SAMD12: variants seen among roughly 807,000 people sequenced by gnomAD.
The protein encoded by SAMD12 is sterile alpha motif domain containing 12.
Under a neutral mutation model 15.0 loss-of-function variants are expected in SAMD12, and 9 were observed. That is an observed-to-expected ratio of 0.60 (90% CI 0.36 to 1.05). The LOEUF (loss-of-function observed/expected upper bound fraction) is 1.05. Among genes scored for constraint, SAMD12 ranks in the 50% least tolerant of loss-of-function variants. The pLI, the probability that SAMD12 is intolerant of heterozygous loss-of-function variation, is 0.01. For missense variants in SAMD12, 230 were observed against 234.2 expected (o/e 0.98, Z 0.12); for synonymous variants, 86 against 90.1 (o/e 0.96, Z 0.25).
At chr8:118,618,163 A>G (rs1196436603) in intron 1 of SAMD12, among the ~76,000 whole-genome samples, 1 of 152,196 alleles carries the variant, frequency 6.6e-6, no homozygotes, top group Admixed American at 6.5e-5. Flanking sequence ...ATGGGTCACA[A>G]GCAGACTAGG....
At chr8:118,404,574 G>A (rs1343345003) in intron 3 of SAMD12, among the ~76,000 whole-genome samples, 2 of 152,142 alleles carry the variant, frequency 1.3e-5, no homozygotes, top group Admixed American at 6.6e-5. Flanking sequence ...TCCATTTGGA[G>A]TTTGTGTTAT....
chr8:118,160,629 A>G, the SAMD12 span, among the ~76,000 whole-genome samples: 1 of 152,354 alleles, frequency 6.6e-6, no homozygotes, highest in East Asian at 1.9e-4. Context: ...AAAAATTTAC[A>G]AATACAAATA....
chr8:118,400,101 A>G (rs1432485363), intron 3 of SAMD12, among the ~76,000 whole-genome samples: 1 of 152,224 alleles, frequency 6.6e-6, no homozygotes, highest in Non-Finnish European at 1.5e-5. Context: ...CACCATGTAA[A>G]TCATAAATAC....
chr8:118,399,159 C>T (rs774936662), intron 3 of SAMD12, among the ~76,000 whole-genome samples: 19 of 151,828 alleles, frequency 1.3e-4, no homozygotes, highest in Non-Finnish European at 2.1e-4. Flanking sequence ...GTTGGGATTA[C>T]AGGTGTGAGC....
At chr8:118,169,663 C>T in the SAMD12 span, among the ~76,000 whole-genome samples, 1 of 152,122 alleles carries the variant, frequency 6.6e-6, no homozygotes, top group African/African-American at 2.4e-5. Flanking sequence ...TTCAGGGAGA[C>T]CTATGGATAG....
downstream of SAMD12, among the ~76,000 whole-genome samples, chr8:118,185,166 A>G (rs1425726268): frequency 6.6e-6 from 1 of 152,170 alleles, no homozygotes; most frequent in Non-Finnish European, 1.5e-5. Context: ...AGAATTAAGA[A>G]GGAAAGTGAA....
exon 5 of SAMD12, chr8:118,196,768 C>A (rs2451144): frequency 2.0e-5 from 3 of 152,192 alleles, no homozygotes; most frequent in Non-Finnish European, 2.9e-5. Flanking sequence ...CCACCATGGT[C>A]TTTGATTAAA....
chr8:118,190,937 ATTTTC>A (rs1392199352), exon 5 of SAMD12: 2 of 151,982 alleles, frequency 1.3e-5, no homozygotes, highest in Non-Finnish European at 2.9e-5. Flanking sequence ...ACAGATCGAT[ATTTTC>A]TTTTCTCAGG....
Position 118,268,360 on chromosome 8 carries a change from G to A in SAMD12, c.434-70628C>T, listed in dbSNP as rs4876807. 1.0e-3 allele frequency among the ~76,000 whole-genome samples: 157 copies of A among 152,306 alleles called. 1 individual carries two copies. The highest frequency in any genetic ancestry group is 1.5e-3 in the East Asian group (8 of 5,178). Reference sequence around the variant, plus strand: ...GACTATTTAAATGCTATCCAAGGCTGAGAATGAAGTAAACTATCATCATAA... The same window carrying A: ...GACTATTTAAATGCTATCCAAGGCTAAGAATGAAGTAAACTATCATCATAA... On this transcript the variant is annotated intron_variant, in intron 4 of 4. Coordinates refer to the SAMD12 transcript ENST00000409003.
At chr8:118,489,041 A>G (rs1824363029) in intron 2 of SAMD12, among the ~76,000 whole-genome samples, 1 of 152,184 alleles carries the variant, frequency 6.6e-6, no homozygotes, top group South Asian at 2.1e-4. Context: ...GTTTCCATAT[A>G]GACATTCTGG....
exon 5 of SAMD12, chr8:118,190,604 G>C (rs1453981582): frequency 5.9e-5 from 9 of 152,130 alleles, no homozygotes; most frequent in Non-Finnish European, 1.0e-4. Context: ...TGGAGGCTCA[G>C]AAATAACAGC....
At chr8:118,339,579 T>C (rs1288500635) in intron 4 of SAMD12, among the ~76,000 whole-genome samples, 2 of 152,234 alleles carry the variant, frequency 1.3e-5, no homozygotes, top group African/African-American at 2.4e-5. Flanking sequence ...GTGGTGCTGA[T>C]CACGTGGCCT....
chr8:118,133,024 A>G, the SAMD12 span, among the ~76,000 whole-genome samples: 53 of 100,756 alleles, frequency 5.3e-4, 1 homozygote, highest in Admixed American at 4.0e-3. Context: ...ATATATATAT[A>G]TATCTTATTA....
At chr8:118,549,000 T>G (rs1232645945) in intron 2 of SAMD12, among the ~76,000 whole-genome samples, 2 of 152,256 alleles carry the variant, frequency 1.3e-5, no homozygotes, top group African/African-American at 4.8e-5. Flanking sequence ...TGCGCAGGCT[T>G]GCTTAGGTAA....
intron 2 of SAMD12, among the ~76,000 whole-genome samples, chr8:118,496,198 T>C (rs1824602891): frequency 6.6e-6 from 1 of 152,142 alleles, no homozygotes; most frequent in South Asian, 2.1e-4. Flanking sequence ...TTTCACAGAA[T>C]TAGAAAAAAT....
At chr8:118,553,340 A>C (rs966962982) in intron 2 of SAMD12, among the ~76,000 whole-genome samples, 1 of 152,200 alleles carries the variant, frequency 6.6e-6, no homozygotes, top group South Asian at 2.1e-4. Flanking sequence ...AGAGATATAG[A>C]TCAATGGAAC....
intron 4 of SAMD12, among the ~76,000 whole-genome samples, chr8:118,339,107 T>C (rs1412258254): frequency 6.6e-6 from 1 of 152,060 alleles, no homozygotes; most frequent in African/African-American, 2.4e-5. Flanking sequence ...GTGAGGATTG[T>C]TTGAGTCCAG....
chr8:118,323,716 C>T (rs1816421615), intron 4 of SAMD12, among the ~76,000 whole-genome samples: 1 of 152,122 alleles, frequency 6.6e-6, no homozygotes, highest in Non-Finnish European at 1.5e-5. Flanking sequence ...TTGCAGTGAG[C>T]TGAGATCACG....
chr8:118,251,771 A>G (rs1586386845), intron 4 of SAMD12, among the ~76,000 whole-genome samples: 1 of 152,086 alleles, frequency 6.6e-6, no homozygotes, highest in African/African-American at 2.4e-5. Context: ...AAGGGGGCCA[A>G]CCTCAAAGAC....
Sources: gnomAD v4.1 joint callset for allele counts (sites outside exome capture counted in the v4.1 genomes callset) on GRCh38, gnomAD v4.1.1 for gene constraint, MANE v1.5 for transcripts, NCBI Gene and HGNC (gene_info 2026-07-23, HGNC 2026-07-21) for gene names.